PUS7L: variants seen among roughly 807,000 people sequenced by gnomAD.
PUS7L encodes pseudouridine synthase 7 like.
Under a neutral mutation model 51.1 loss-of-function variants are expected in PUS7L, and 49 were observed. That is an observed-to-expected ratio of 0.96 (90% CI 0.76 to 1.22). The LOEUF is 1.22. Among genes scored for constraint, PUS7L ranks in the 50% most tolerant of loss-of-function variants. The pLI is 0.00. For synonymous variants in PUS7L, 277 were observed against 276.2 expected, an observed-to-expected ratio of 1.00 and a Z score of -0.03; for missense variants, 828 against 820.6, an observed-to-expected ratio of 1.01 and a Z score of -0.11.
intron 7 of PUS7L, among the ~76,000 whole-genome samples, chr12:43,735,909 T>C (rs964294798): frequency 6.6e-6 from 1 of 152,126 alleles, no homozygotes; most frequent in Non-Finnish European, 1.5e-5. Flanking sequence ...CCTGAGTAGC[T>C]GGGATTACAG....
At position 43,727,665 on chromosome 12, in the gene PUS7L, G is replaced by C. The variant is rs1471366359; in HGVS notation, c.*2711C>G. 6.6e-6 allele frequency: 1 copy of C among 152,086 alleles called. No homozygotes were observed. Among genetic ancestry groups the C allele is most frequent in the African/African-American group, 2.4e-5 (1 of 41,418 alleles). The allele number at this position is 152,086 out of a possible 1,614,324, so 9.4% of individuals were successfully genotyped here. A position where few individuals can be genotyped will look rare whatever the true frequency, so the allele number is the denominator to read the frequency against. On this transcript the variant is annotated 3_prime_UTR_variant, in exon 9 of 9. Transcript: ENST00000344862. ...CTTGGACTCTAAGAAGGGAACAATA[G>C]GCACCATGGCCTACTTGAGGGTGGA...
rs1216825821 is a variant in PUS7L, at chr12:43,720,306, A to T, written c.*10070T>A. 1.3e-5 allele frequency: 2 copies of T among 152,230 alleles called. No individual in the cohort carries two copies. Among genetic ancestry groups the T allele is most frequent in the African/African-American group, 4.8e-5 (2 of 41,458 alleles). The allele number at this position is 152,230 out of a possible 1,614,324, so 9.4% of individuals were successfully genotyped here. A position where few individuals can be genotyped will look rare whatever the true frequency, so the allele number is the denominator to read the frequency against. The stretch of plus-strand genomic sequence containing the variant: ...TGAGACCAGCATGGCCAACATGGTG[A>T]AATCCCATCTCTAATAAAAATACAA... On this transcript the variant is annotated 3_prime_UTR_variant, in exon 9 of 9. Coordinates refer to ENST00000344862, the MANE Select transcript of PUS7L (RefSeq NM_031292.5).
At chr12:43,742,134 G>A (rs923417716) in intron 5 of PUS7L, among the ~76,000 whole-genome samples, 1 of 152,042 alleles carries the variant, frequency 6.6e-6, no homozygotes, top group Non-Finnish European at 1.5e-5. Flanking sequence ...TCTTTTATAT[G>A]ATCTGATATC....
In PUS7L at chr12:43,719,840, AT is replaced by A. The variant is rs1167823422; in HGVS notation, c.*10535del. 3 of 152,154 alleles carry A rather than the reference AT, an allele frequency of 2.0e-5. No individual in the cohort carries two copies. Among genetic ancestry groups the A allele is most frequent in the African/African-American group, 7.2e-5 (3 of 41,436 alleles). The allele number at this position is 152,154 out of a possible 1,614,324, so 9.4% of individuals were successfully genotyped here. Reference sequence around the variant, plus strand: ...TATGATATTGGTTAGTTGTAACTGCATTATTTCCATCAGTCTCACCACAAGT... The same window carrying A: ...TATGATATTGGTTAGTTGTAACTGCATATTTCCATCAGTCTCACCACAAGT... On this transcript the variant is annotated 3_prime_UTR_variant, in exon 9 of 9. Coordinates refer to ENST00000344862, the MANE Select transcript of PUS7L (RefSeq NM_031292.5).
In PUS7L at chr12:43,758,730, C is replaced by T. The variant is rs1001472545; in HGVS notation, c.-17G>A. 1.0e-6 allele frequency: 1 copy of T among 981,774 alleles called. No individual in the cohort carries two copies. Among genetic ancestry groups the T allele is most frequent in the African/African-American group, 1.8e-5 (1 of 55,884 alleles). The allele number at this position is 981,774 out of a possible 1,614,324, so 60.8% of individuals were successfully genotyped here. A position where few individuals can be genotyped will look rare whatever the true frequency, so the allele number is the denominator to read the frequency against. ...GCGCAAGAAACTCGACCCCGTCTAC[C>T]TCGGTTCAGTGGAAGGCATTCATTT... On this transcript the variant is annotated splice_region_variant and 5_prime_UTR_variant, in exon 1 of 9. Coordinates refer to ENST00000344862, the MANE Select transcript of PUS7L (RefSeq NM_031292.5).
chr12:43,757,842 A>C (rs1938879944), intron 1 of PUS7L, among the ~76,000 whole-genome samples: 1 of 152,222 alleles, frequency 6.6e-6, no homozygotes. Context: ...CAATGTGTGC[A>C]AGAAAAACAA....
At chr12:43,736,234 C>CTTGAATT in intron 7 of PUS7L, 147 bp downstream of exon 7, 1 of 700,784 alleles carries the variant, frequency 1.4e-6, no homozygotes, top group South Asian at 2.0e-5. Flanking sequence ...TGACAGCAGA[C>CTTGAATT]TTGAAGCAGG....
At chr12:43,748,914 G>A (rs1047699068) in intron 2 of PUS7L, among the ~76,000 whole-genome samples, 1 of 152,216 alleles carries the variant, frequency 6.6e-6, no homozygotes, top group Middle Eastern at 3.4e-3. Context: ...AGCAGGGATG[G>A]GGTTTCACCA....
intron 7 of PUS7L, among the ~76,000 whole-genome samples, chr12:43,735,397 G>C (rs1217180330): frequency 6.7e-6 from 1 of 150,348 alleles, no homozygotes; most frequent in African/African-American, 2.4e-5. Flanking sequence ...GAAATGGAAG[G>C]ACCAAGCTTT....
At chr12:43,730,856 T>C (rs1373927562) in intron 8 of PUS7L, among the ~76,000 whole-genome samples, 154 bp from the exon 9 acceptor site, 1 of 152,182 alleles carries the variant, frequency 6.6e-6, no homozygotes, top group Non-Finnish European at 1.5e-5. Flanking sequence ...TTAAATAATA[T>C]GCTATGATAT....
intron 2 of PUS7L, among the ~76,000 whole-genome samples, chr12:43,750,040 T>C (rs765092975): frequency 3.3e-5 from 5 of 152,156 alleles, no homozygotes; most frequent in Non-Finnish European, 5.9e-5. Context: ...CCCCTGAAAC[T>C]AACATAAAAA....
Position 43,724,762 on chromosome 12 carries a change from T to A in PUS7L, c.*5614A>T, listed in dbSNP as rs907939318. 2 of 152,188 alleles carry A rather than the reference T, an allele frequency of 1.3e-5. No homozygotes were observed. The highest frequency in any genetic ancestry group is 2.9e-5 in the Non-Finnish European group (2 of 67,998). 9.4% of individuals were successfully genotyped at this position (152,188 alleles called of 1,614,324 possible). A position where few individuals can be genotyped will look rare whatever the true frequency, so the allele number is the denominator to read the frequency against. Reference sequence around the variant, plus strand: ...CTCAACTGTACCAGTATATTTCCCATACTCTAATCCTTCATGTATTGGTAT... The same window carrying A: ...CTCAACTGTACCAGTATATTTCCCAAACTCTAATCCTTCATGTATTGGTAT... On this transcript the variant is annotated 3_prime_UTR_variant, in exon 9 of 9. Transcript: ENST00000344862.
At chr12:43,746,697 C>T (rs1488884177) in intron 3 of PUS7L, among the ~76,000 whole-genome samples, 1 of 152,176 alleles carries the variant, frequency 6.6e-6, no homozygotes, top group Non-Finnish European at 1.5e-5. Context: ...GAATTAATAT[C>T]TTCAATATTT....
At chr12:43,744,361 T>C (rs1318777759) in intron 4 of PUS7L, among the ~76,000 whole-genome samples, 1 of 152,182 alleles carries the variant, frequency 6.6e-6, no homozygotes, top group Admixed American at 6.5e-5. Context: ...GCTGTTCTCA[T>C]GAGAGTGAGT....
At chr12:43,743,587 C>A (rs1274550456) in intron 4 of PUS7L, among the ~76,000 whole-genome samples, 4 of 152,092 alleles carry the variant, frequency 2.6e-5, no homozygotes, top group Non-Finnish European at 5.9e-5. Flanking sequence ...CATGGTGAAA[C>A]CCTGTCTCTA....
intron 2 of PUS7L, among the ~76,000 whole-genome samples, chr12:43,751,548 T>C (rs1428964202): frequency 1.3e-5 from 2 of 152,204 alleles, no homozygotes; most frequent in African/African-American, 4.8e-5. Flanking sequence ...TATGGCTGCA[T>C]AGTATTCCAT....
intron 2 of PUS7L, among the ~76,000 whole-genome samples, chr12:43,752,874 AT>A (rs1308155692): frequency 6.6e-6 from 1 of 152,206 alleles, no homozygotes; most frequent in Non-Finnish European, 1.5e-5. Context: ...AAGATGGTAC[AT>A]TTTATGTTAT....
At position 43,754,517 on chromosome 12, in the gene PUS7L, T is replaced by C; in HGVS notation, c.729A>G (p.Lys243=). The C allele has an allele frequency of 6.2e-7, 1 of 1,613,408 alleles. No individual in the cohort carries two copies. Among genetic ancestry groups the C allele is most frequent in the South Asian group, 1.1e-5 (1 of 90,918 alleles). ...TTTTGTTGACAAAATGGTGGACAGC[T>C]TTTCTGTGGTCTTTGTTTGTATCAG... ...FKPDTNKDHR[K]AVHHFVNKKF... The change falls in exon 2 of 9, where the codon AAA becomes AAG. Residue 243 remains lysine, a synonymous_variant. Coordinates refer to ENST00000344862, the MANE Select transcript of PUS7L (RefSeq NM_031292.5).
intron 1 of PUS7L, among the ~76,000 whole-genome samples, chr12:43,757,390 C>G (rs1329076828): frequency 6.6e-6 from 1 of 152,186 alleles, no homozygotes; most frequent in Non-Finnish European, 1.5e-5. Context: ...CCAGGGTGGT[C>G]TTGAACTCCT....
Sources: allele counts gnomAD v4.1 joint callset (sites outside exome capture counted in the v4.1 genomes callset), GRCh38; gene constraint gnomAD v4.1.1; transcripts MANE v1.5; gene names NCBI Gene and HGNC (gene_info 2026-07-23, HGNC 2026-07-21).